Variants in UBE2QL1 observed in about 807,000 individuals in gnomAD.
UBE2QL1 encodes the protein ubiquitin conjugating enzyme E2 QL1, also known as ubiquitin-conjugating enzyme E2Q-like protein 1.
In UBE2QL1, 5 loss-of-function variants were observed where a neutral mutation model predicts 12.6. The ratio of observed to expected loss-of-function variants is 0.40; its 90% CI spans 0.21 to 0.83. The LOEUF (loss-of-function observed/expected upper bound fraction) is 0.83, where lower values mean the gene tolerates loss of function less well. Ranked by LOEUF, UBE2QL1 falls within the 40% of genes least tolerant of loss-of-function variation. UBE2QL1 has a pLI of 0.37. For synonymous variants in UBE2QL1, 96 were observed against 94.5 expected (o/e 1.02, Z -0.10); for missense variants, 99 against 222.6 (o/e 0.44, Z 3.53).
At chr5:6,461,051 T>A (rs2126334122) in intron 1 of UBE2QL1, among the ~76,000 whole-genome samples, 1 of 152,354 alleles carries the variant, frequency 6.6e-6, no homozygotes, top group Admixed American at 6.5e-5. Context: ...ATTACATGGA[T>A]CCTTTCTAAT....
intron 1 of UBE2QL1, 94 bp downstream of exon 1, chr5:6,449,341 G>A: frequency 2.5e-6 from 3 of 1,181,056 alleles, no homozygotes; most frequent in Non-Finnish European, 3.2e-6. Flanking sequence ...GCCAGCGCCG[G>A]CCCCTCCGGC....
chr5:6,464,632 A>T (rs527939862), intron 1 of UBE2QL1, among the ~76,000 whole-genome samples: 46 of 152,328 alleles, frequency 3.0e-4, no homozygotes, highest in African/African-American at 1.1e-3. Context: ...AGCCAGTAAC[A>T]TGCTGGCAGC....
chr5:6,474,272 G>A (rs1270430998), intron 1 of UBE2QL1, among the ~76,000 whole-genome samples: 1 of 152,258 alleles, frequency 6.6e-6, no homozygotes, highest in African/African-American at 2.4e-5. Context: ...CCCGTGCTTA[G>A]GAGGTTAACA....
chr5:6,489,168 T>C (rs944914140), intron 1 of UBE2QL1, among the ~76,000 whole-genome samples: 2 of 152,188 alleles, frequency 1.3e-5, no homozygotes, highest in African/African-American at 4.8e-5. Flanking sequence ...CACATGCCTG[T>C]AATCCCAGCA....
intron 1 of UBE2QL1, among the ~76,000 whole-genome samples, chr5:6,480,159 A>T (rs1313242287): frequency 1.3e-5 from 2 of 152,308 alleles, no homozygotes; most frequent in East Asian, 3.9e-4. Context: ...CACGTTTCTG[A>T]GAGCTGGCCT....
rs1553987108 is a variant in UBE2QL1, at chr5:6,449,875, C to CCA, written c.354+643_354+644dup. Among the ~76,000 whole-genome samples the CCA allele has an allele frequency of 2.9e-3, 425 of 147,990 alleles. 17 individuals carry two copies. Among genetic ancestry groups the CCA allele is most frequent in the Middle Eastern group, 0.017 (5 of 288 alleles). On this transcript the variant is annotated intron_variant, in intron 1 of 1. Coordinates refer to ENST00000399816, the MANE Select transcript of UBE2QL1 (RefSeq NM_001145161.3). ...TGATCTCCCACCTCCCCAACCCCCC[C>CCA]CACACACACACACACAAGGCTCCTC...
intron 1 of UBE2QL1, among the ~76,000 whole-genome samples, chr5:6,463,054 G>A (rs1409306461): frequency 6.6e-6 from 1 of 152,118 alleles, no homozygotes. Flanking sequence ...TTCTTTTGAT[G>A]TTGTTATTTT....
chr5:6,480,459 C>G (rs1311903724), intron 1 of UBE2QL1, among the ~76,000 whole-genome samples: 3 of 152,210 alleles, frequency 2.0e-5, no homozygotes, highest in African/African-American at 7.2e-5. Context: ...TGTCACTTAC[C>G]TGTCTTAAAG....
intron 1 of UBE2QL1, among the ~76,000 whole-genome samples, chr5:6,482,839 C>T (rs888595938): frequency 1.3e-5 from 2 of 152,174 alleles, no homozygotes; most frequent in East Asian, 1.9e-4. Context: ...TGCACAGGAG[C>T]GCCCAAGCTG....
At chr5:6,470,057 CTG>C (rs759876689) in intron 1 of UBE2QL1, among the ~76,000 whole-genome samples, 1 of 152,174 alleles carries the variant, frequency 6.6e-6, no homozygotes, top group Non-Finnish European at 1.5e-5. Flanking sequence ...AGTGGCGGCT[CTG>C]TTGTGTGGAC....
chr5:6,459,263 C>T (rs1332835883), intron 1 of UBE2QL1, among the ~76,000 whole-genome samples: 1 of 152,176 alleles, frequency 6.6e-6, no homozygotes, highest in South Asian at 2.1e-4. Flanking sequence ...ACTTAAAGGA[C>T]ATTACCGTAA....
chr5:6,464,036 G>A (rs536302796), intron 1 of UBE2QL1, among the ~76,000 whole-genome samples: 1 of 152,150 alleles, frequency 6.6e-6, no homozygotes, highest in African/African-American at 2.4e-5. Flanking sequence ...GCAATGGCGT[G>A]ATCTCAGCTC....
chr5:6,452,063 T>G (rs2126318503), intron 1 of UBE2QL1, among the ~76,000 whole-genome samples: 1 of 152,294 alleles, frequency 6.6e-6, no homozygotes, highest in South Asian at 2.1e-4. Flanking sequence ...AAAAGGCTGG[T>G]TTGCTTCTTT....
chr5:6,467,756 G>A (rs1047707445), intron 1 of UBE2QL1, among the ~76,000 whole-genome samples: 1 of 149,786 alleles, frequency 6.7e-6, no homozygotes, highest in African/African-American at 2.5e-5. Flanking sequence ...GGGCCCCACC[G>A]CCCCAGCCTC....
At chr5:6,488,833 A>G (rs1183486543) in intron 1 of UBE2QL1, among the ~76,000 whole-genome samples, 1 of 152,010 alleles carries the variant, frequency 6.6e-6, no homozygotes, top group Non-Finnish European at 1.5e-5. Flanking sequence ...AATTGATGCT[A>G]ACATCCTCGC....
At chr5:6,458,477 G>A (rs1739581714) in intron 1 of UBE2QL1, among the ~76,000 whole-genome samples, 1 of 152,204 alleles carries the variant, frequency 6.6e-6, no homozygotes, top group East Asian at 1.9e-4. Flanking sequence ...ATAAAAAGCT[G>A]TGATTAATAT....
At chr5:6,482,970 T>C (rs1197458116) in intron 1 of UBE2QL1, among the ~76,000 whole-genome samples, 1 of 152,202 alleles carries the variant, frequency 6.6e-6, no homozygotes, top group African/African-American at 2.4e-5. Context: ...GTGGGAAAAC[T>C]GCACATCCGT....
At chr5:6,488,047 CTG>C (rs1267341508) in intron 1 of UBE2QL1, among the ~76,000 whole-genome samples, 1 of 152,168 alleles carries the variant, frequency 6.6e-6, no homozygotes, top group Non-Finnish European at 1.5e-5. Flanking sequence ...GAAAAAAAAA[CTG>C]TTAATTGTAA....
Position 6,449,255 on chromosome 5 carries a change from G to C in UBE2QL1, c.354+8G>C. 1 of 1,386,636 alleles carries C rather than the reference G, an allele frequency of 7.2e-7. No homozygotes were observed. The highest frequency in any genetic ancestry group is 9.3e-7 in the Non-Finnish European group (1 of 1,070,084). The allele number at this position is 1,386,636 out of a possible 1,614,324, so 85.9% of individuals were successfully genotyped here. On this transcript the variant is annotated splice_region_variant and intron_variant, in intron 1 of 1. Transcript: ENST00000399816. ...AGCCTGGTCAAGGGCCAGGTAAGGCGAGCGCGCCGGGGCTGGGGGCGCGGG... is the reference window on the plus strand; with the variant it reads ...AGCCTGGTCAAGGGCCAGGTAAGGCCAGCGCGCCGGGGCTGGGGGCGCGGG...
Sources: allele counts gnomAD v4.1 joint callset (sites outside exome capture counted in the v4.1 genomes callset), GRCh38; gene constraint gnomAD v4.1.1; transcripts MANE v1.5; gene names NCBI Gene and HGNC (gene_info 2026-07-23, HGNC 2026-07-21).